The following FAF1 variants were observed in gnomAD, a reference collection of about 807,000 sequenced individuals.
FAF1 encodes FAS-associated factor 1.
In FAF1, 25 loss-of-function variants were observed where a neutral mutation model predicts 92.5. That is an observed-to-expected ratio of 0.27 (90% CI 0.20 to 0.38). The LOEUF (loss-of-function observed/expected upper bound fraction) is 0.38, where lower values mean the gene tolerates loss of function less well. FAF1 is among the 10% of genes least tolerant of loss of function. FAF1 has a pLI of 1.00. For missense variants in FAF1, 636 were observed against 793.3 expected (o/e 0.80, Z 2.38); for synonymous variants, 234 against 273.2 (o/e 0.86, Z 1.42).
At chr1:50,864,357 C>A (rs974830136) in intron 1 of FAF1, among the ~76,000 whole-genome samples, 3 of 151,550 alleles carry the variant, frequency 2.0e-5, no homozygotes, top group Admixed American at 1.3e-4. Flanking sequence ...ATAAATTTCC[C>A]TCTACACACT....
chr1:50,909,218 C>T (rs1288041170), intron 1 of FAF1, among the ~76,000 whole-genome samples: 1 of 152,224 alleles, frequency 6.6e-6, no homozygotes, highest in African/African-American at 2.4e-5. Context: ...TCTCTTCTGG[C>T]TGGTAGAGTT....
intron 1 of FAF1, among the ~76,000 whole-genome samples, chr1:50,934,480 T>C (rs1645071477): frequency 6.6e-6 from 1 of 152,156 alleles, no homozygotes; most frequent in Admixed American, 6.5e-5. Context: ...TCTAGCACTT[T>C]GGGAGGCCAA....
intron 18 of FAF1, among the ~76,000 whole-genome samples, chr1:50,457,919 T>G (rs551857030): frequency 1.1e-4 from 17 of 150,788 alleles, no homozygotes; most frequent in African/African-American, 3.7e-4. Context: ...TAAATAATTT[T>G]GAAAAGGTTA....
chr1:50,752,781 C>T (rs1473309623), intron 4 of FAF1, among the ~76,000 whole-genome samples: 1 of 152,248 alleles, frequency 6.6e-6, no homozygotes, highest in East Asian at 1.9e-4. Context: ...CTCCCGGGTT[C>T]AAGTGATTCT....
chr1:50,639,169 T>C (rs1233992629), intron 8 of FAF1, among the ~76,000 whole-genome samples: 1 of 152,262 alleles, frequency 6.6e-6, no homozygotes, highest in Non-Finnish European at 1.5e-5. Context: ...ATTGTATAGA[T>C]ATATCACAAT....
intron 4 of FAF1, among the ~76,000 whole-genome samples, chr1:50,771,304 A>G (rs1660768391): frequency 6.6e-6 from 1 of 152,232 alleles, no homozygotes; most frequent in South Asian, 2.1e-4. Flanking sequence ...CTATCAACAG[A>G]GTAATCACAC....
At chr1:50,630,706 T>C (rs928340028) in intron 8 of FAF1, among the ~76,000 whole-genome samples, 2 of 152,192 alleles carry the variant, frequency 1.3e-5, no homozygotes, top group African/African-American at 4.8e-5. Context: ...AACCACAGTA[T>C]TGAAAAGTGT....
intron 6 of FAF1, among the ~76,000 whole-genome samples, chr1:50,710,892 G>A (rs191021914): frequency 4.9e-4 from 72 of 147,674 alleles, no homozygotes; most frequent in African/African-American, 1.8e-3. Context: ...ATGAGCCACC[G>A]AGCCCGGCCA....
intron 17 of FAF1, 125 bp downstream of exon 17, chr1:50,490,447 GGAAGGAAGGAAGGAAA>G (rs1646821220): frequency 4.6e-5 from 15 of 325,392 alleles, no homozygotes; most frequent in Non-Finnish European, 5.7e-5. Flanking sequence ...AAGGAAGGAA[GGAAGGAAGGAAGGAAA>G]AAGAAAGAAG....
intron 15 of FAF1, 58 bp from the exon 16 acceptor site, chr1:50,491,859 GAAA>G: frequency 7.8e-7 from 1 of 1,280,748 alleles, no homozygotes; most frequent in South Asian, 1.3e-5. Flanking sequence ...AAAAAAAAGA[GAAA>G]AAAAACTAAT....
At chr1:50,537,428 G>A (rs1648544253) in intron 14 of FAF1, among the ~76,000 whole-genome samples, 3 of 152,138 alleles carry the variant, frequency 2.0e-5, no homozygotes, top group African/African-American at 7.2e-5. Context: ...ATAGTTGATT[G>A]CAGCAGTTCT....
chr1:50,618,140 T>G (rs1249442198), intron 8 of FAF1, among the ~76,000 whole-genome samples: 4 of 152,160 alleles, frequency 2.6e-5, no homozygotes, highest in African/African-American at 9.6e-5. Flanking sequence ...TGTTTGCATC[T>G]CAATTTCATC....
intron 1 of FAF1, among the ~76,000 whole-genome samples, chr1:50,889,394 T>A (rs553050583): frequency 3.3e-5 from 5 of 152,324 alleles, no homozygotes; most frequent in Admixed American, 2.0e-4. Context: ...AGTTATTTCT[T>A]GCCTTCTGCT....
rs899175244 is a variant in FAF1 at position 50,956,926 on chromosome 1, C to A, written c.45+2841G>T. Among the ~76,000 whole-genome samples, 29 of 152,182 alleles carry A rather than the reference C, an allele frequency of 1.9e-4. No homozygotes were observed. The East Asian group carries it at 5.0e-3, about 26-fold the overall frequency. On this transcript the variant is annotated intron_variant, in intron 1 of 18. Transcript: ENST00000396153. ...TCATGCCATTGCACTCCAGCCTGGG[C>A]AACAAGAGTGAAACTCCATCTCAGA... is the stretch of plus-strand genomic sequence containing the variant.
In FAF1 at chr1:50,539,705, TGTCTATTGC is replaced by T; in HGVS notation, c.1283_1291del (p.Cys428_His431delinsTyr). 1.2e-6 allele frequency: 2 copies of T among 1,612,670 alleles called. No homozygotes were observed. The highest frequency in any genetic ancestry group is 1.7e-6 in the Non-Finnish European group (2 of 1,178,960). On this transcript the variant is annotated inframe_deletion, in exon 14 of 19. Transcript: ENST00000396153. ...GGTTTGTGCCACAACACTGCCAAAG[TGTCTATTGC>T]ACATAGTGAGAAATCTAAAAGGAGA... is the stretch of plus-strand genomic sequence containing the variant.
At chr1:50,771,897 G>A (rs952227042) in intron 4 of FAF1, among the ~76,000 whole-genome samples, 1 of 152,002 alleles carries the variant, frequency 6.6e-6, no homozygotes, top group African/African-American at 2.4e-5. Flanking sequence ...GTGAAACTCC[G>A]TCTCCAAAAA....
chr1:50,707,202 C>CAA (rs397862445), intron 6 of FAF1, among the ~76,000 whole-genome samples: 2,406 of 106,720 alleles, frequency 0.023, 78 homozygotes, highest in African/African-American at 0.061. Context: ...GACTCTGTGT[C>CAA]AAAAAAAAAA....
chr1:50,539,335 T>G (rs1461172924), intron 14 of FAF1, among the ~76,000 whole-genome samples: 1 of 152,226 alleles, frequency 6.6e-6, no homozygotes, highest in Non-Finnish European at 1.5e-5. Flanking sequence ...GATTATACAA[T>G]TTAGCAATTC....
intron 12 of FAF1, among the ~76,000 whole-genome samples, chr1:50,579,848 T>C (rs1176898003): frequency 6.6e-6 from 1 of 152,118 alleles, no homozygotes; most frequent in Non-Finnish European, 1.5e-5. Context: ...GAGTGGATTG[T>C]GGTTCCAAAA....
Sources: allele counts gnomAD v4.1 joint callset (sites outside exome capture counted in the v4.1 genomes callset), GRCh38; gene constraint gnomAD v4.1.1; transcripts MANE v1.5; gene names NCBI Gene and HGNC (gene_info 2026-07-23, HGNC 2026-07-21).